The following ROBO1 variants were observed in gnomAD, a reference collection of about 807,000 sequenced individuals.
ROBO1 encodes the protein roundabout guidance receptor 1, also known as roundabout homolog 1.
ROBO1 carries 149 observed loss-of-function variants against 195.9 expected under a neutral mutation model. That is an observed-to-expected ratio of 0.76 (90% CI 0.67 to 0.87). The LOEUF is 0.87. Among genes scored for constraint, ROBO1 ranks in the 40% least tolerant of loss-of-function variants. The pLI is 0.00. For synonymous variants in ROBO1, 816 were observed against 733.2 expected (o/e 1.11, Z -1.82); for missense variants, 1,933 against 2,068.3 (o/e 0.93, Z 1.27).
intron 4 of ROBO1, among the ~76,000 whole-genome samples, chr3:78,821,527 C>T (rs1396436387): frequency 6.6e-6 from 1 of 152,028 alleles, no homozygotes; most frequent in Non-Finnish European, 1.5e-5. Context: ...TCAGATGTGC[C>T]TATCCTTAGC....
intron 4 of ROBO1, among the ~76,000 whole-genome samples, chr3:78,872,359 T>C (rs1033813882): frequency 6.6e-6 from 1 of 152,214 alleles, no homozygotes; most frequent in Non-Finnish European, 1.5e-5. Context: ...TACGCTGAGT[T>C]TGGGGGAAGG....
intron 4 of ROBO1, among the ~76,000 whole-genome samples, chr3:78,851,683 T>C (rs2034077393): frequency 6.6e-6 from 1 of 152,202 alleles, no homozygotes; most frequent in African/African-American, 2.4e-5. Context: ...TTTTATTAAA[T>C]TGTACATCAG....
chr3:79,084,344 C>T (rs1010939414), intron 3 of ROBO1, among the ~76,000 whole-genome samples: 1 of 151,946 alleles, frequency 6.6e-6, no homozygotes, highest in Non-Finnish European at 1.5e-5. Flanking sequence ...ACTAAAAATA[C>T]AAAATTAGCC....
At chr3:79,100,786 G>T (rs2108509766) in intron 3 of ROBO1, among the ~76,000 whole-genome samples, 1 of 151,814 alleles carries the variant, frequency 6.6e-6, no homozygotes, top group Middle Eastern at 3.4e-3. Context: ...TTAAGCAGAA[G>T]GGCGGTTTGA....
intron 2 of ROBO1, among the ~76,000 whole-genome samples, chr3:79,457,392 T>C (rs187909230): frequency 0.016 from 2,464 of 151,562 alleles, 32 homozygotes; most frequent in Non-Finnish European, 0.026. Flanking sequence ...TGTGTGTGTG[T>C]GTGCGTGTGT....
chr3:79,179,222 A>G (rs932393500), intron 2 of ROBO1, among the ~76,000 whole-genome samples: 1 of 152,188 alleles, frequency 6.6e-6, no homozygotes, highest in African/African-American at 2.4e-5. Flanking sequence ...AGAATTGTTC[A>G]ATGTTACAGA....
rs543736580 is a variant in ROBO1, at chr3:79,339,637, A to G, written c.89-214098T>C. 4.0e-5 allele frequency among the ~76,000 whole-genome samples: 6 copies of G among 151,884 alleles called. No homozygotes were observed. In the South Asian group the frequency reaches 1.2e-3, roughly 32 times the overall value. On this transcript the variant is annotated intron_variant, in intron 2 of 30. Transcript: ENST00000464233. Reference sequence around the variant, plus strand: ...TTTCCTGATTAATTACTTCCTTAGCACTCATCAACATCTGACATACTATAT... The same window carrying G: ...TTTCCTGATTAATTACTTCCTTAGCGCTCATCAACATCTGACATACTATAT...
chr3:78,978,525 C>T (rs1165972532), intron 3 of ROBO1, among the ~76,000 whole-genome samples: 1 of 152,022 alleles, frequency 6.6e-6, no homozygotes, highest in African/African-American at 2.4e-5. Context: ...TTCACAGTGA[C>T]ATTATAAAGT....
At chr3:79,444,757 G>A (rs1027728738) in intron 2 of ROBO1, among the ~76,000 whole-genome samples, 3 of 151,964 alleles carry the variant, frequency 2.0e-5, no homozygotes, top group Non-Finnish European at 4.4e-5. Context: ...AGTATTTTCA[G>A]TTGGCAACAC....
intron 4 of ROBO1, among the ~76,000 whole-genome samples, chr3:78,929,523 G>C (rs1454371556): frequency 1.5e-5 from 2 of 137,564 alleles, no homozygotes; most frequent in Non-Finnish European, 3.3e-5. Flanking sequence ...TTTATTTAGA[G>C]ATGGAGTCTC....
chr3:79,115,106 C>T (rs899891300), intron 3 of ROBO1, among the ~76,000 whole-genome samples: 1 of 152,074 alleles, frequency 6.6e-6, no homozygotes, highest in Non-Finnish European at 1.5e-5. Flanking sequence ...TCAGGGAAAC[C>T]CAAATTTTCC....
intron 2 of ROBO1, among the ~76,000 whole-genome samples, chr3:79,445,842 CG>C (rs1559905262): frequency 6.6e-6 from 1 of 152,040 alleles, no homozygotes; most frequent in African/African-American, 2.4e-5. Flanking sequence ...TTAGTACAGA[CG>C]GTGTTTCACC....
At chr3:79,117,815 T>G (rs2080035484) in intron 3 of ROBO1, among the ~76,000 whole-genome samples, 1 of 152,154 alleles carries the variant, frequency 6.6e-6, no homozygotes, top group Admixed American at 6.6e-5. Flanking sequence ...ATGTCTATGA[T>G]AGTGAAAAAA....
chr3:79,619,360 T>A (rs34565288), intron 1 of ROBO1, among the ~76,000 whole-genome samples: 65 of 151,984 alleles, frequency 4.3e-4, no homozygotes, highest in Non-Finnish European at 7.4e-4. Context: ...CCTTAGCCTG[T>A]GTTCTCAAGA....
chr3:79,003,788 G>A (rs1245578110), intron 3 of ROBO1, among the ~76,000 whole-genome samples: 1 of 152,078 alleles, frequency 6.6e-6, no homozygotes, highest in Non-Finnish European at 1.5e-5. Flanking sequence ...ACACTGAGGA[G>A]GAAAAACTCA....
intron 2 of ROBO1, among the ~76,000 whole-genome samples, chr3:79,177,853 A>G (rs2108721889): frequency 6.6e-6 from 1 of 152,102 alleles, no homozygotes; most frequent in East Asian, 1.9e-4. Flanking sequence ...AAACATAAAA[A>G]CTCTATTTTA....
At chr3:79,468,281 C>T (rs1938081608) in intron 2 of ROBO1, among the ~76,000 whole-genome samples, 1 of 152,132 alleles carries the variant, frequency 6.6e-6, no homozygotes, top group Non-Finnish European at 1.5e-5. Flanking sequence ...TCCTTCTAAG[C>T]CTCTTAGAGA....
rs144598328 is a variant in ROBO1 at position 79,476,725 on chromosome 3, G to C, written c.88+113099C>G. On this transcript the variant is annotated intron_variant, in intron 2 of 30. Transcript: ENST00000464233. ...GAAGCTAAGTTATGAGGATGCAAAG[G>C]CATAAGAATGATACAATGGACTTTG... is the stretch of plus-strand genomic sequence containing the variant. Among the ~76,000 whole-genome samples, 83 of 152,084 alleles carry C rather than the reference G, an allele frequency of 5.5e-4. 2 individuals carry two copies. The East Asian group carries it at 0.013, about 24-fold the overall frequency.
chr3:79,095,252 T>C (rs2079546887), intron 3 of ROBO1, among the ~76,000 whole-genome samples: 1 of 151,890 alleles, frequency 6.6e-6, no homozygotes, highest in Admixed American at 6.6e-5. Flanking sequence ...TGAGTGGGAG[T>C]TGAAGTAGTG....
Sources: gnomAD v4.1 joint callset for allele counts (sites outside exome capture counted in the v4.1 genomes callset) on GRCh38, gnomAD v4.1.1 for gene constraint, MANE v1.5 for transcripts, NCBI Gene and HGNC (gene_info 2026-07-23, HGNC 2026-07-21) for gene names.